The following ERICH5 variants were observed in gnomAD, a reference collection of about 807,000 sequenced individuals.
The protein encoded by ERICH5 is glutamate-rich protein 5.
Under a neutral mutation model 28.0 loss-of-function variants are expected in ERICH5, and 24 were observed. The observed-to-expected ratio is 0.86, with a 90% confidence interval of 0.62 to 1.21. The LOEUF (loss-of-function observed/expected upper bound fraction) is 1.21, where lower values mean the gene tolerates loss of function less well. Among genes scored for constraint, ERICH5 ranks in the 50% most tolerant of loss-of-function variants. The pLI is 0.00. For missense variants in ERICH5, 421 were observed against 441.2 expected (o/e 0.95, Z 0.41); for synonymous variants, 163 against 157.6 (o/e 1.03, Z -0.25).
Position 98,089,332 on chromosome 8 carries a change from G to C in ERICH5, c.315G>C (p.Gln105His). The C allele has an allele frequency of 6.2e-7, 1 of 1,614,266 alleles. No individual in the cohort carries two copies. The highest frequency in any genetic ancestry group is 2.2e-5 in the East Asian group (1 of 44,894). Residue 105 changes from glutamine to histidine, a missense_variant, in exon 2 of 3, where the codon CAG (glutamine) becomes CAC (histidine). Gln to His is a conservative substitution (Grantham distance 24). Coordinates refer to ENST00000318528, the MANE Select transcript of ERICH5 (RefSeq NM_173549.3). The stretch of plus-strand genomic sequence containing the variant: ...AATCAGGGTCCACAGAAAAGACTCA[G>C]CCTGGAGAGGGACTGGAGGAATCTG... ...TDQSGSTEKT[Q>H]PGEGLEESGP...
chr8:98,092,709 T>C (rs1815428454), intron 2 of ERICH5, among the ~76,000 whole-genome samples: 1 of 152,186 alleles, frequency 6.6e-6, no homozygotes, highest in African/African-American at 2.4e-5. Flanking sequence ...AGACTCGAGA[T>C]GTTAATTGAC....
At position 98,082,103 on chromosome 8, in the gene ERICH5, G is replaced by A. The variant is rs374959592; in HGVS notation, c.59-6973G>A. Among the ~76,000 whole-genome samples the A allele has an allele frequency of 1.3e-4, 20 of 152,164 alleles. 1 individual carries two copies. The East Asian group carries it at 3.3e-3, about 25-fold the overall frequency. On this transcript the variant is annotated intron_variant, in intron 1 of 2. Transcript: ENST00000318528. ...ATACAGCCATTTCAAAATTTAGAGT[G>A]CAATTAATCAATATAAATTACGAAG...
intron 2 of ERICH5, among the ~76,000 whole-genome samples, chr8:98,091,834 CTTTT>C (rs67893989): frequency 3.3e-4 from 44 of 134,774 alleles, no homozygotes; most frequent in Non-Finnish European, 2.9e-4. Flanking sequence ...CTTTCTTTTT[CTTTT>C]TCTTTCTTTC....
In ERICH5 at chr8:98,089,507, G is replaced by T. The variant is rs539687893; in HGVS notation, c.490G>T (p.Ala164Ser). 6.2e-7 allele frequency: 1 copy of T among 1,614,200 alleles called. No individual in the cohort carries two copies. Among genetic ancestry groups the T allele is most frequent in the Non-Finnish European group, 8.5e-7 (1 of 1,180,032 alleles). ...PEAKGQPLQA[A>S]VEKDSLRAVE... is the part of the protein sequence containing the mutation. ...AGCCAAGGGTCAGCCTTTGCAGGCA[G>T]CAGTAGAGAAGGACTCTCTCAGAGC... The change falls in exon 2 of 3, where the codon GCA (alanine) becomes TCA (serine). Residue 164 changes from alanine (A) to serine (S), a missense_variant. By Grantham distance (99) the Ala-to-Ser change is moderately conservative (BLOSUM62 1). Coordinates refer to ENST00000318528, the MANE Select transcript of ERICH5 (RefSeq NM_173549.3).
chr8:98,091,995 CTT>C (rs1815417563), intron 2 of ERICH5, among the ~76,000 whole-genome samples: 1 of 123,762 alleles, frequency 8.1e-6, no homozygotes, highest in Non-Finnish European at 1.7e-5. Context: ...TCTCTCTCCC[CTT>C]CCTTCCTTCC....
At chr8:98,065,558 A>G (rs1170945030) in intron 1 of ERICH5, among the ~76,000 whole-genome samples, 3 of 152,240 alleles carry the variant, frequency 2.0e-5, no homozygotes, top group Non-Finnish European at 4.4e-5. Context: ...GAAGAGACAG[A>G]AAAGAAACAC....
rs570251476 is a variant in ERICH5 at position 98,083,440 on chromosome 8, G to A, written c.59-5636G>A. Among the ~76,000 whole-genome samples the A allele has an allele frequency of 2.6e-5, 4 of 152,226 alleles. No individual in the cohort carries two copies. In the South Asian group the frequency reaches 8.3e-4, roughly 32 times the overall value. ...TGAAGTCTTCATTCATGATGAGGCA[G>A]GAGGGGGAGGTGAAAAATAGCCCTC... On this transcript the variant is annotated intron_variant, in intron 1 of 2. Coordinates refer to ENST00000318528, the MANE Select transcript of ERICH5 (RefSeq NM_173549.3).
chr8:98,074,691 G>T (rs1192561907), intron 1 of ERICH5, among the ~76,000 whole-genome samples: 1 of 152,074 alleles, frequency 6.6e-6, no homozygotes, highest in African/African-American at 2.4e-5. Context: ...TTTTATTTTA[G>T]AATAGTTTTA....
At chr8:98,079,489 C>T (rs1815132003) in intron 1 of ERICH5, among the ~76,000 whole-genome samples, 1 of 152,128 alleles carries the variant, frequency 6.6e-6, no homozygotes, top group South Asian at 2.1e-4. Flanking sequence ...CCTTTATTAA[C>T]ACCAATCAAG....
chr8:98,090,492 G>A (rs978704130), intron 2 of ERICH5, among the ~76,000 whole-genome samples: 2 of 151,930 alleles, frequency 1.3e-5, no homozygotes, highest in African/African-American at 4.8e-5. Context: ...ACAGGGTGCA[G>A]TGGCTCACAC....
At chr8:98,073,599 G>A (rs1369262440) in intron 1 of ERICH5, among the ~76,000 whole-genome samples, 1 of 140,380 alleles carries the variant, frequency 7.1e-6, no homozygotes, top group Non-Finnish European at 1.5e-5. Context: ...CTGGAGTGCA[G>A]TGCTGTGATC....
intron 1 of ERICH5, among the ~76,000 whole-genome samples, chr8:98,069,219 G>A (rs1814867083): frequency 6.6e-6 from 1 of 152,026 alleles, no homozygotes. Flanking sequence ...TAGGCCTGGC[G>A]ATTGCATATG....
intron 1 of ERICH5, among the ~76,000 whole-genome samples, chr8:98,075,689 G>A (rs1016377514): frequency 6.6e-6 from 1 of 150,926 alleles, no homozygotes; most frequent in Non-Finnish European, 1.5e-5. Context: ...AGGCCCAAAT[G>A]TCTGGTGTGA....
intron 2 of ERICH5, among the ~76,000 whole-genome samples, chr8:98,092,031 A>C (rs1200863438): frequency 1.8e-4 from 2 of 10,906 alleles, no homozygotes; most frequent in Non-Finnish European, 2.3e-4. Flanking sequence ...TCCTTTCGAG[A>C]CAAGATCTTC....
At chr8:98,077,661 T>C (rs1469738027) in intron 1 of ERICH5, among the ~76,000 whole-genome samples, 1 of 152,228 alleles carries the variant, frequency 6.6e-6, no homozygotes, top group Non-Finnish European at 1.5e-5. Flanking sequence ...CACATCTCCA[T>C]GTGAGTTCAA....
chr8:98,070,122 G>A (rs1814884864), intron 1 of ERICH5, among the ~76,000 whole-genome samples: 1 of 152,110 alleles, frequency 6.6e-6, no homozygotes, highest in Non-Finnish European at 1.5e-5. Context: ...GGGGCACATG[G>A]CTAATGTGTG....
chr8:98,071,002 G>T (rs1015547771), intron 1 of ERICH5, among the ~76,000 whole-genome samples: 1 of 152,124 alleles, frequency 6.6e-6, no homozygotes, highest in African/African-American at 2.4e-5. Context: ...AGTGGCTCAT[G>T]CCTGTAATCC....
chr8:98,085,763 C>G (rs917541502), intron 1 of ERICH5, among the ~76,000 whole-genome samples: 1 of 152,232 alleles, frequency 6.6e-6, no homozygotes, highest in African/African-American at 2.4e-5. Context: ...GCGCCAGCCT[C>G]CAGCCGCACT....
At chr8:98,082,618 C>T (rs887912343) in intron 1 of ERICH5, among the ~76,000 whole-genome samples, 4 of 146,922 alleles carry the variant, frequency 2.7e-5, no homozygotes, top group Non-Finnish European at 4.5e-5. Flanking sequence ...GCACTCCAGC[C>T]TGGGCAGTAA....
Sources: gnomAD v4.1 joint callset for allele counts (sites outside exome capture counted in the v4.1 genomes callset) on GRCh38, gnomAD v4.1.1 for gene constraint, MANE v1.5 for transcripts, NCBI Gene and HGNC (gene_info 2026-07-23, HGNC 2026-07-21) for gene names.